Variants in TBL1XR1 observed in about 807,000 individuals in gnomAD.
TBL1XR1 encodes the protein F-box-like/WD repeat-containing protein TBL1XR1.
Under a neutral mutation model 66.9 loss-of-function variants are expected in TBL1XR1, and 5 were observed. That is an observed-to-expected ratio of 0.07 (90% CI 0.04 to 0.16). The LOEUF (loss-of-function observed/expected upper bound fraction) is 0.16, where lower values mean the gene tolerates loss of function less well. Ranked by LOEUF, TBL1XR1 falls within the 10% of genes least tolerant of loss-of-function variation. TBL1XR1 has a pLI of 1.00. For missense variants in TBL1XR1, 238 were observed against 623.2 expected (o/e 0.38, Z 6.58); for synonymous variants, 210 against 206.0 (o/e 1.02, Z -0.17).
rs1288030547 is a variant in TBL1XR1, at chr3:177,020,024, T to TAA, written c.*5472_*5473dup. The TAA allele has an allele frequency of 2.0e-5, 3 of 151,926 alleles. No individual in the cohort carries two copies. The highest frequency in any genetic ancestry group is 6.6e-5 in the Admixed American group (1 of 15,240). 9.4% of individuals were successfully genotyped at this position (151,926 alleles called of 1,614,324 possible). On this transcript the variant is annotated 3_prime_UTR_variant, in exon 16 of 16. Transcript: ENST00000457928. ...AGAAAATATGCTCAATGATTCTTTT[T>TAA]AAAAAGTCTCTAACTCTAAAGGAGT...
chr3:177,168,417 G>C (rs1362792110), intron 1 of TBL1XR1, among the ~76,000 whole-genome samples: 2 of 152,030 alleles, frequency 1.3e-5, no homozygotes, highest in Non-Finnish European at 2.9e-5. Context: ...GAGTAGCTGG[G>C]ATTACAGGCA....
chr3:177,114,112 A>T (rs1354636035), intron 1 of TBL1XR1, among the ~76,000 whole-genome samples: 1 of 152,114 alleles, frequency 6.6e-6, no homozygotes, highest in Non-Finnish European at 1.5e-5. Flanking sequence ...TGAAAAATGT[A>T]GAGTAGATGT....
rs889798756 is a variant in TBL1XR1 at position 177,145,579 on chromosome 3, A to G, written c.-121-47038T>C. Among the ~76,000 whole-genome samples the G allele has an allele frequency of 6.6e-5, 10 of 152,228 alleles. No individual in the cohort carries two copies. The East Asian group carries it at 1.9e-3, about 29-fold the overall frequency. ...ACTGTGATTTCCCTCTTGGCTTTCCACAAAGATCAACAGCCCCTTACTAAG... is the reference window on the plus strand; with the variant it reads ...ACTGTGATTTCCCTCTTGGCTTTCCGCAAAGATCAACAGCCCCTTACTAAG... On this transcript the variant is annotated intron_variant, in intron 1 of 15. Coordinates refer to ENST00000457928, the MANE Select transcript of TBL1XR1 (RefSeq NM_024665.7).
intron 2 of TBL1XR1, among the ~76,000 whole-genome samples, chr3:177,071,017 T>C (rs1719908651): frequency 1.3e-5 from 2 of 149,774 alleles, no homozygotes; most frequent in South Asian, 4.2e-4. Context: ...GGAACAGACA[T>C]GTTCTGAGAA....
chr3:177,029,204 G>A (rs1264871928), intron 14 of TBL1XR1, among the ~76,000 whole-genome samples: 2 of 151,888 alleles, frequency 1.3e-5, no homozygotes, highest in Non-Finnish European at 2.9e-5. Context: ...AGAATGCTGA[G>A]GTCAAAGGAT....
rs146005813 is a variant in TBL1XR1 at position 177,105,592 on chromosome 3, C to T, written c.-121-7051G>A. Among the ~76,000 whole-genome samples the T allele has an allele frequency of 3.7e-3, 562 of 152,326 alleles. 2 individuals carry two copies. The highest frequency in any genetic ancestry group is 6.1e-3 in the Non-Finnish European group (416 of 68,028). On this transcript the variant is annotated intron_variant, in intron 1 of 15. Transcript: ENST00000457928. The stretch of plus-strand genomic sequence containing the variant: ...ATTAGGCTACAACACACAAATCATT[C>T]AGTTGAACACATTTCCAATAGAAAT...
intron 1 of TBL1XR1, among the ~76,000 whole-genome samples, chr3:177,185,726 T>C (rs941703239): frequency 2.6e-5 from 4 of 151,734 alleles, no homozygotes; most frequent in African/African-American, 9.7e-5. Context: ...AAAAGAAGCA[T>C]TGGCTGGGCA....
chr3:177,101,286 C>T (rs1159913185), intron 1 of TBL1XR1, among the ~76,000 whole-genome samples: 4 of 149,626 alleles, frequency 2.7e-5, no homozygotes, highest in Non-Finnish European at 5.9e-5. Flanking sequence ...GTTTTAGATG[C>T]AATTTTTTTT....
At chr3:177,192,486 T>C (rs571048695) in intron 1 of TBL1XR1, among the ~76,000 whole-genome samples, 1 of 150,728 alleles carries the variant, frequency 6.6e-6, no homozygotes, top group Non-Finnish European at 1.5e-5. Flanking sequence ...GATGACAGAA[T>C]AGCAACAAAG....
intron 2 of TBL1XR1, among the ~76,000 whole-genome samples, chr3:177,071,442 A>G (rs886449592): frequency 6.6e-6 from 1 of 152,198 alleles, no homozygotes; most frequent in Non-Finnish European, 1.5e-5. Context: ...AGGGAAAAAA[A>G]TCCTACGTAA....
At chr3:177,059,645 C>T (rs1718257168) in intron 3 of TBL1XR1, among the ~76,000 whole-genome samples, 1 of 152,012 alleles carries the variant, frequency 6.6e-6, no homozygotes, top group African/African-American at 2.4e-5. Flanking sequence ...ATAAGGAGAT[C>T]CTTCATAAAC....
At chr3:177,200,362 GATC>G (rs989368438), upstream of TBL1XR1, among the ~76,000 whole-genome samples, 8 of 152,196 alleles carry the variant, frequency 5.3e-5, no homozygotes, top group Non-Finnish European at 1.0e-4. Flanking sequence ...TTTTAAATCA[GATC>G]ATATTTTGAT....
intron 10 of TBL1XR1, among the ~76,000 whole-genome samples, chr3:177,045,419 C>T (rs1560111134): frequency 1.3e-5 from 2 of 151,962 alleles, no homozygotes; most frequent in Admixed American, 6.6e-5. Flanking sequence ...TTAAACGGAG[C>T]GTGGGCACAA....
intron 1 of TBL1XR1, among the ~76,000 whole-genome samples, chr3:177,186,275 AG>A (rs963623279): frequency 2.0e-5 from 3 of 152,208 alleles, no homozygotes; most frequent in African/African-American, 7.2e-5. Flanking sequence ...TCATTTTACT[AG>A]GGGAAAAATC....
chr3:177,081,167 T>A (rs560989032), intron 2 of TBL1XR1, among the ~76,000 whole-genome samples: 41 of 152,386 alleles, frequency 2.7e-4, no homozygotes, highest in African/African-American at 9.6e-4. Flanking sequence ...TAGTATCTCC[T>A]AATACGACAT....
At chr3:177,190,246 C>T (rs1315871706) in intron 1 of TBL1XR1, among the ~76,000 whole-genome samples, 2 of 151,684 alleles carry the variant, frequency 1.3e-5, no homozygotes, top group South Asian at 2.1e-4. Flanking sequence ...GACACAATTC[C>T]TAACTAGACT....
At chr3:177,180,501 A>C (rs1471881342) in intron 1 of TBL1XR1, among the ~76,000 whole-genome samples, 4 of 150,646 alleles carry the variant, frequency 2.7e-5, no homozygotes, top group South Asian at 2.1e-4. Flanking sequence ...TTAAACTTTT[A>C]TTTTTAAATA....
chr3:177,132,794 T>C (rs1434762541), intron 1 of TBL1XR1, among the ~76,000 whole-genome samples: 1 of 152,068 alleles, frequency 6.6e-6, no homozygotes, highest in African/African-American at 2.4e-5. Flanking sequence ...AATAAACAAA[T>C]GGCAGGAAAT....
chr3:177,142,889 C>T (rs1729787697), intron 1 of TBL1XR1, among the ~76,000 whole-genome samples: 1 of 151,874 alleles, frequency 6.6e-6, no homozygotes, highest in African/African-American at 2.4e-5. Context: ...TTGAGGTGCC[C>T]ATTGTACACT....
Sources: allele counts gnomAD v4.1 joint callset (sites outside exome capture counted in the v4.1 genomes callset), GRCh38; gene constraint gnomAD v4.1.1; transcripts MANE v1.5; gene names NCBI Gene and HGNC (gene_info 2026-07-23, HGNC 2026-07-21).